SMAP1: variants seen among roughly 807,000 people sequenced by gnomAD.
SMAP1 encodes the protein stromal membrane-associated protein 1.
In SMAP1, 24 loss-of-function variants were observed where a neutral mutation model predicts 58.5. That is an observed-to-expected ratio of 0.41 (90% CI 0.30 to 0.58). SMAP1 has a LOEUF of 0.58. Among genes scored for constraint, SMAP1 ranks in the 20% least tolerant of loss-of-function variants. SMAP1 has a pLI of 0.29. For missense variants in SMAP1, 563 were observed against 566.3 expected (o/e 0.99, Z 0.06); for synonymous variants, 216 against 196.6 (o/e 1.10, Z -0.82).
intron 3 of SMAP1, among the ~76,000 whole-genome samples, chr6:70,771,895 T>G (rs571438625): frequency 2.3e-4 from 35 of 152,254 alleles, no homozygotes; most frequent in African/African-American, 8.2e-4. Flanking sequence ...CCATCTTGGC[T>G]CCAAATAACT....
intron 2 of SMAP1, among the ~76,000 whole-genome samples, chr6:70,742,390 G>A (rs1407918671): frequency 6.6e-6 from 1 of 152,194 alleles, no homozygotes; most frequent in Non-Finnish European, 1.5e-5. Context: ...CTCTAGGGCA[G>A]GGGCAAAATG....
intron 6 of SMAP1, among the ~76,000 whole-genome samples, chr6:70,803,284 C>T (rs149433994): frequency 0.023 from 3,451 of 152,230 alleles, 59 homozygotes; most frequent in Non-Finnish European, 0.034. Flanking sequence ...AGTTTATTTG[C>T]GTAGAGGTGT....
chr6:70,741,152 C>G (rs1345127216), intron 2 of SMAP1, among the ~76,000 whole-genome samples: 1 of 152,168 alleles, frequency 6.6e-6, no homozygotes. Flanking sequence ...CTTGCAAAAC[C>G]AATCATGCCT....
intron 1 of SMAP1, among the ~76,000 whole-genome samples, chr6:70,683,227 G>A (rs1485021133): frequency 7.0e-6 from 1 of 142,514 alleles, no homozygotes; most frequent in African/African-American, 2.6e-5. Flanking sequence ...CTGGAGTGCA[G>A]TGGCACAGTC....
intron 1 of SMAP1, among the ~76,000 whole-genome samples, chr6:70,673,343 C>A (rs1766345828): frequency 6.6e-6 from 1 of 152,190 alleles, no homozygotes; most frequent in Non-Finnish European, 1.5e-5. Flanking sequence ...TTGTTAGTTG[C>A]CCTTTCTGTA....
At chr6:70,669,328 G>A (rs1329778296) in intron 1 of SMAP1, among the ~76,000 whole-genome samples, 1 of 152,158 alleles carries the variant, frequency 6.6e-6, no homozygotes. Flanking sequence ...TCACATTTCA[G>A]TAGGCTGATA....
chr6:70,725,469 A>G (rs556281119), intron 1 of SMAP1, among the ~76,000 whole-genome samples: 50 of 152,010 alleles, frequency 3.3e-4, no homozygotes, highest in Non-Finnish European at 6.8e-4. Context: ...GACCCATAGT[A>G]TAGCTGACCA....
At chr6:70,727,031 G>A (rs1221171678) in intron 1 of SMAP1, among the ~76,000 whole-genome samples, 1 of 151,910 alleles carries the variant, frequency 6.6e-6, no homozygotes, top group Non-Finnish European at 1.5e-5. Context: ...GGGGGGCACT[G>A]TTCATTTTAC....
At chr6:70,690,161 A>C (rs1426165118) in intron 1 of SMAP1, among the ~76,000 whole-genome samples, 1 of 152,128 alleles carries the variant, frequency 6.6e-6, no homozygotes, top group Non-Finnish European at 1.5e-5. Flanking sequence ...TTTATCTTTT[A>C]TGTAAAAGTC....
At chr6:70,721,599 G>A (rs1175652889) in intron 1 of SMAP1, among the ~76,000 whole-genome samples, 2 of 151,930 alleles carry the variant, frequency 1.3e-5, no homozygotes, top group Non-Finnish European at 2.9e-5. Context: ...TTTCAGTAAC[G>A]CCCCACTCTC....
At chr6:70,847,018 GTTGTA>G (rs1455681070) in intron 7 of SMAP1, among the ~76,000 whole-genome samples, 1 of 152,026 alleles carries the variant, frequency 6.6e-6, no homozygotes, top group Non-Finnish European at 1.5e-5. Flanking sequence ...AATATGAAGT[GTTGTA>G]TTCTTATTTC....
intron 4 of SMAP1, among the ~76,000 whole-genome samples, chr6:70,778,015 G>A: frequency 6.6e-6 from 1 of 152,116 alleles, no homozygotes; most frequent in South Asian, 2.1e-4. Flanking sequence ...GGCTCCCAAA[G>A]TGCTGGGATT....
chr6:70,673,761 C>G (rs746293196), intron 1 of SMAP1, among the ~76,000 whole-genome samples: 1 of 152,142 alleles, frequency 6.6e-6, no homozygotes, highest in Non-Finnish European at 1.5e-5. Context: ...CTGCTGATCT[C>G]GAGGTTTTTC....
chr6:70,860,851 G>A lies in SMAP1; in HGVS notation c.*517G>A. The A allele has an allele frequency of 2.5e-6, 1 of 395,084 alleles. No individual in the cohort carries two copies. Among genetic ancestry groups the A allele is most frequent in the East Asian group, 3.6e-5 (1 of 27,866 alleles). The allele number at this position is 395,084 out of a possible 1,614,324, so 24.5% of individuals were successfully genotyped here. ...CACTTCACTGTGCTGTTGTTATGAT[G>A]TGCTTAACAGGGAACGTGATTAGTG... On this transcript the variant is annotated 3_prime_UTR_variant, in exon 11 of 11. Coordinates refer to ENST00000370455, the MANE Select transcript of SMAP1 (RefSeq NM_001044305.3).
chr6:70,707,796 G>A (rs181183107), intron 1 of SMAP1, among the ~76,000 whole-genome samples: 4 of 151,900 alleles, frequency 2.6e-5, no homozygotes, highest in Admixed American at 2.0e-4. Flanking sequence ...GTAGAGATGG[G>A]GTTTCACTAT....
intron 2 of SMAP1, among the ~76,000 whole-genome samples, chr6:70,737,660 T>G (rs573493616): frequency 6.6e-6 from 1 of 152,358 alleles, no homozygotes; most frequent in East Asian, 1.9e-4. Flanking sequence ...TTTGTAGTGC[T>G]GTGGTGGCTT....
intron 2 of SMAP1, among the ~76,000 whole-genome samples, chr6:70,748,103 T>C (rs532546903): frequency 2.4e-4 from 36 of 152,218 alleles, no homozygotes; most frequent in African/African-American, 8.4e-4. Flanking sequence ...ATCCAAAAGA[T>C]CTTGAAACCA....
chr6:70,693,670 A>G (rs1487731078), intron 1 of SMAP1, among the ~76,000 whole-genome samples: 3 of 152,144 alleles, frequency 2.0e-5, no homozygotes, highest in Non-Finnish European at 2.9e-5. Flanking sequence ...CATTGTAACA[A>G]TATTGATTCT....
intron 1 of SMAP1, among the ~76,000 whole-genome samples, chr6:70,710,246 A>G (rs2149836905): frequency 6.6e-6 from 1 of 152,266 alleles, no homozygotes; most frequent in Non-Finnish European, 1.5e-5. Context: ...TAATCCCAGC[A>G]CTTTGGAAGG....
Sources: allele counts gnomAD v4.1 joint callset (sites outside exome capture counted in the v4.1 genomes callset), GRCh38; gene constraint gnomAD v4.1.1; transcripts MANE v1.5; gene names NCBI Gene and HGNC (gene_info 2026-07-23, HGNC 2026-07-21).